Variants in TMPRSS12 observed in about 807,000 individuals in gnomAD.
TMPRSS12 encodes transmembrane serine protease 12.
In TMPRSS12, 25 loss-of-function variants were observed where a neutral mutation model predicts 26.0. The ratio of observed to expected loss-of-function variants is 0.96; its 90% CI spans 0.70 to 1.34. The LOEUF is 1.34. Ranked by LOEUF, TMPRSS12 falls within the 40% of genes most tolerant of loss-of-function variation. The pLI is 0.00. For synonymous variants in TMPRSS12, 150 were observed against 161.7 expected, an observed-to-expected ratio of 0.93 and a Z score of 0.55; for missense variants, 441 against 440.1, an observed-to-expected ratio of 1.00 and a Z score of -0.02.
rs559931862 is a variant in TMPRSS12 at position 50,874,766 on chromosome 12, A to G, written c.653-10480A>G. Reference sequence around the variant, plus strand: ...AAATCAGTAGCATTTCTATACATCAATAACATTCAAGTTGAGAGCCAAATC... The same window carrying G: ...AAATCAGTAGCATTTCTATACATCAGTAACATTCAAGTTGAGAGCCAAATC... On this transcript the variant is annotated intron_variant, in intron 3 of 4. Transcript: ENST00000398458. Among the ~76,000 whole-genome samples, 13 of 152,312 alleles carry G rather than the reference A, an allele frequency of 8.5e-5. No individual in the cohort carries two copies. The East Asian group carries it at 2.1e-3, about 25-fold the overall frequency.
chr12:50,881,978 A>T (rs1565938029), intron 3 of TMPRSS12, among the ~76,000 whole-genome samples: 4 of 59,040 alleles, frequency 6.8e-5, no homozygotes, highest in Admixed American at 2.4e-4. Context: ...AAAAAAAAAA[A>T]AAAAAAAAAA....
chr12:50,848,599 T>C (rs1335752339), intron 2 of TMPRSS12, among the ~76,000 whole-genome samples: 2 of 152,240 alleles, frequency 1.3e-5, no homozygotes, highest in South Asian at 2.1e-4. Context: ...CTCATAATCT[T>C]TCAGTTTCAG....
At chr12:50,857,900 C>T (rs1035919292) in intron 2 of TMPRSS12, among the ~76,000 whole-genome samples, 4 of 152,014 alleles carry the variant, frequency 2.6e-5, no homozygotes, top group African/African-American at 9.7e-5. Flanking sequence ...ACGATCTCGG[C>T]TCACTGCAAG....
intron 2 of TMPRSS12, among the ~76,000 whole-genome samples, chr12:50,856,901 G>T (rs747328662): frequency 3.3e-5 from 5 of 151,896 alleles, no homozygotes; most frequent in Non-Finnish European, 7.4e-5. Context: ...TGTTGCCCAG[G>T]GTGGGCTCAA....
chr12:50,860,649 A>G (rs2139726133), intron 3 of TMPRSS12, among the ~76,000 whole-genome samples: 1 of 150,354 alleles, frequency 6.7e-6, no homozygotes, highest in African/African-American at 2.5e-5. Flanking sequence ...TTGCTGTGTC[A>G]CTCAAGCTGG....
At chr12:50,843,473 C>T (rs1031266520) in intron 1 of TMPRSS12, among the ~76,000 whole-genome samples, 7 of 152,130 alleles carry the variant, frequency 4.6e-5, no homozygotes, top group African/African-American at 1.7e-4. Flanking sequence ...GAAAAATTAG[C>T]CCAACAAGTG....
At chr12:50,885,824 C>CTT (rs398019534) in intron 4 of TMPRSS12, 1,098 of 188,174 alleles carry the variant, frequency 5.8e-3, no homozygotes, top group South Asian at 8.7e-3. Flanking sequence ...CCCGGCCATT[C>CTT]TTTTTTTTTT....
At chr12:50,872,381 C>T (rs1405576336) in intron 3 of TMPRSS12, among the ~76,000 whole-genome samples, 40 of 149,392 alleles carry the variant, frequency 2.7e-4, no homozygotes, top group African/African-American at 8.6e-4. Context: ...GGCGCGGTGG[C>T]GGGCGCCTGT....
At chr12:50,887,068 C>A in intron 4 of TMPRSS12, 194 bp from the exon 5 acceptor site, 1 of 570,624 alleles carries the variant, frequency 1.8e-6, no homozygotes, top group Non-Finnish European at 2.9e-6. Context: ...CCTCCAAATA[C>A]CTGGGTAAAA....
chr12:50,846,439 C>A (rs1344686640), intron 2 of TMPRSS12, among the ~76,000 whole-genome samples: 1 of 152,148 alleles, frequency 6.6e-6, no homozygotes, highest in African/African-American at 2.4e-5. Flanking sequence ...CATTGAAAAT[C>A]AATTGATCAT....
At chr12:50,869,513 T>C (rs1018878488) in intron 3 of TMPRSS12, among the ~76,000 whole-genome samples, 2 of 152,000 alleles carry the variant, frequency 1.3e-5, no homozygotes, top group African/African-American at 4.8e-5. Flanking sequence ...AATTTAAAAA[T>C]TACCAACCAT....
intron 3 of TMPRSS12, among the ~76,000 whole-genome samples, chr12:50,860,187 G>A (rs538254047): frequency 7.9e-5 from 12 of 152,264 alleles, no homozygotes; most frequent in African/African-American, 2.6e-4. Flanking sequence ...TAAGCTTCTG[G>A]CTATGAAGAA....
At chr12:50,872,286 G>A (rs1592222654) in intron 3 of TMPRSS12, among the ~76,000 whole-genome samples, 1 of 151,418 alleles carries the variant, frequency 6.6e-6, no homozygotes. Flanking sequence ...GGCCGAGGCG[G>A]GTGGATCATG....
chr12:50,850,192 G>A (rs1481564311), intron 2 of TMPRSS12, among the ~76,000 whole-genome samples: 1 of 152,160 alleles, frequency 6.6e-6, no homozygotes, highest in Non-Finnish European at 1.5e-5. Flanking sequence ...CCTGGTAGGA[G>A]GTGACTGGAT....
intron 3 of TMPRSS12, among the ~76,000 whole-genome samples, chr12:50,865,567 C>T (rs1937983374): frequency 6.6e-6 from 1 of 151,940 alleles, no homozygotes; most frequent in Non-Finnish European, 1.5e-5. Flanking sequence ...AGGCAATATT[C>T]AATGGATTTG....
intron 3 of TMPRSS12, among the ~76,000 whole-genome samples, chr12:50,878,200 G>GAAA (rs36087199): frequency 6.7e-4 from 93 of 139,726 alleles, no homozygotes; most frequent in East Asian, 6.2e-3. Flanking sequence ...TTATTTTGGG[G>GAAA]AAAAAAAAAA....
chr12:50,850,414 A>G (rs547129757), intron 2 of TMPRSS12, among the ~76,000 whole-genome samples: 1 of 152,296 alleles, frequency 6.6e-6, no homozygotes, highest in Admixed American at 6.5e-5. Flanking sequence ...CCCTGTCTCT[A>G]CAAAAAATTT....
chr12:50,868,188 A>G (rs187510815), intron 3 of TMPRSS12, among the ~76,000 whole-genome samples: 11 of 152,216 alleles, frequency 7.2e-5, no homozygotes, highest in Non-Finnish European at 1.2e-4. Context: ...GCTCCACTTA[A>G]AAGATACAGA....
intron 2 of TMPRSS12, among the ~76,000 whole-genome samples, chr12:50,845,974 G>A (rs1192737546): frequency 6.6e-6 from 1 of 151,938 alleles, no homozygotes; most frequent in Non-Finnish European, 1.5e-5. Context: ...GTCCATTTTT[G>A]AACTGGGCTC....
Sources: allele counts gnomAD v4.1 joint callset (sites outside exome capture counted in the v4.1 genomes callset), GRCh38; gene constraint gnomAD v4.1.1; transcripts MANE v1.5; gene names NCBI Gene and HGNC (gene_info 2026-07-23, HGNC 2026-07-21).